DUSP10: variants seen among roughly 807,000 people sequenced by gnomAD.
DUSP10 encodes the protein dual specificity phosphatase 10.
DUSP10 carries 14 observed loss-of-function variants against 30.8 expected under a neutral mutation model. The observed-to-expected ratio is 0.46, with a 90% CI of 0.30 to 0.71. The LOEUF is 0.71. DUSP10 is among the 30% of genes least tolerant of loss of function. The probability of loss-of-function intolerance (pLI) is 0.08; values close to 1 mark genes in which losing one functional copy is unlikely to be tolerated. For missense variants in DUSP10, 550 were observed against 619.4 expected (o/e 0.89, Z 1.19); for synonymous variants, 254 against 250.4 (o/e 1.01, Z -0.14).
At chr1:221,737,274 G>A (rs2102655028) in intron 2 of DUSP10, 1 of 985,314 alleles carries the variant, frequency 1.0e-6, no homozygotes, top group South Asian at 4.7e-5. Flanking sequence ...CACCTGCTCT[G>A]CGTGAGAAAA....
chr1:221,703,726 T>G (rs1393947799), intron 3 of DUSP10, among the ~76,000 whole-genome samples: 1 of 152,168 alleles, frequency 6.6e-6, no homozygotes, highest in Non-Finnish European at 1.5e-5. Context: ...TTAATGACAT[T>G]TCTAGACTCT....
rs947304126 is a variant in DUSP10 at position 221,716,548 on chromosome 1, G to A, written c.812-10082C>T. Among the ~76,000 whole-genome samples the A allele has an allele frequency of 2.0e-5, 3 of 151,652 alleles. No homozygotes were observed. In the South Asian group the frequency reaches 6.2e-4, roughly 32 times the overall value. On this transcript the variant is annotated intron_variant, in intron 2 of 3. Transcript: ENST00000366899. The stretch of plus-strand genomic sequence containing the variant: ...TCATTTTTTTTTCCACCAGAATTTT[G>A]TCTACTTCTATTGAACTCCATTCTC...
chr1:221,709,630 G>A (rs1256332607), intron 2 of DUSP10, among the ~76,000 whole-genome samples: 1 of 152,084 alleles, frequency 6.6e-6, no homozygotes, highest in East Asian at 1.9e-4. Context: ...GCTCTGTACT[G>A]CAGTTAAAAA....
intron 2 of DUSP10, among the ~76,000 whole-genome samples, chr1:221,717,061 A>G (rs1275363522): frequency 1.3e-5 from 2 of 152,220 alleles, no homozygotes; most frequent in East Asian, 3.8e-4. Context: ...GAAGGCAGTC[A>G]CAAATTAAGA....
intron 2 of DUSP10, among the ~76,000 whole-genome samples, chr1:221,716,546 T>C (rs1450790031): frequency 6.6e-6 from 1 of 151,862 alleles, no homozygotes; most frequent in Admixed American, 6.6e-5. Flanking sequence ...CACCAGAATT[T>C]TGTCTACTTC....
At chr1:221,740,015 T>G (rs888597244) in intron 1 of DUSP10, among the ~76,000 whole-genome samples, 1 of 152,218 alleles carries the variant, frequency 6.6e-6, no homozygotes, top group African/African-American at 2.4e-5. Context: ...AATTTGGATG[T>G]AATGTTGTAA....
intron 2 of DUSP10, among the ~76,000 whole-genome samples, chr1:221,726,577 T>C (rs1251512490): frequency 6.6e-6 from 1 of 152,132 alleles, no homozygotes; most frequent in Admixed American, 6.5e-5. Flanking sequence ...TAATATTATG[T>C]TTTTCTTTCT....
At chr1:221,712,802 A>G (rs1660980502) in intron 2 of DUSP10, among the ~76,000 whole-genome samples, 1 of 149,136 alleles carries the variant, frequency 6.7e-6, no homozygotes. Flanking sequence ...AAAAAAAAAG[A>G]GCTTTGCCTT....
chr1:221,739,883 A>G, intron 1 of DUSP10, 96 bp from the exon 2 acceptor site: 1 of 1,303,550 alleles, frequency 7.7e-7, no homozygotes, highest in Non-Finnish European at 1.0e-6. Flanking sequence ...CATCCCTCTG[A>G]GCAAAGTCGT....
At chr1:221,707,531 T>G (rs1271259563) in intron 2 of DUSP10, among the ~76,000 whole-genome samples, 4 of 152,188 alleles carry the variant, frequency 2.6e-5, no homozygotes, top group Non-Finnish European at 5.9e-5. Flanking sequence ...ACTGTGCTTA[T>G]TTCTCCATTT....
At chr1:221,731,613 T>C (rs1661595527) in intron 2 of DUSP10, among the ~76,000 whole-genome samples, 1 of 94,570 alleles carries the variant, frequency 1.1e-5, no homozygotes, top group Admixed American at 8.7e-5. Context: ...TTTTTTTTTT[T>C]TTTTTTTTCT....
intron 2 of DUSP10, among the ~76,000 whole-genome samples, chr1:221,735,334 T>C (rs1460344085): frequency 1.3e-5 from 2 of 152,184 alleles, no homozygotes; most frequent in African/African-American, 4.8e-5. Flanking sequence ...GGAGCCCTCC[T>C]ACTCCCAGGG....
chr1:221,739,748 G>A lies in DUSP10; in HGVS notation c.-4C>T. 1.9e-6 allele frequency: 3 copies of A among 1,568,774 alleles called. No homozygotes were observed. The South Asian group carries it at 3.5e-5, about 18-fold the overall frequency. On this transcript the variant is annotated 5_prime_UTR_variant, in exon 2 of 4. Coordinates refer to ENST00000366899, the MANE Select transcript of DUSP10 (RefSeq NM_007207.6). ...CGTCTAAAGGAGACGGAGGCATGAG[G>A]AGGCTGAAAACTGGCAATTCAAGAA... is the stretch of plus-strand genomic sequence containing the variant.
rs981546005 is a variant in DUSP10, at chr1:221,710,255, A to C, written c.812-3789T>G. On this transcript the variant is annotated intron_variant, in intron 2 of 3. Transcript: ENST00000366899. Reference sequence around the variant, plus strand: ...ACACGCATAGTCCATGAGAGCCCTAAGTGCAGTGCAGTGATTCAGAGAAGG... The same window carrying C: ...ACACGCATAGTCCATGAGAGCCCTACGTGCAGTGCAGTGATTCAGAGAAGG... 2.6e-5 allele frequency among the ~76,000 whole-genome samples: 4 copies of C among 151,886 alleles called. 1 individual carries two copies. The highest frequency in any genetic ancestry group is 9.7e-5 in the African/African-American group (4 of 41,260).
At chr1:221,740,739 G>A (rs1661929197) in intron 1 of DUSP10, among the ~76,000 whole-genome samples, 1 of 152,158 alleles carries the variant, frequency 6.6e-6, no homozygotes, top group African/African-American at 2.4e-5. Flanking sequence ...CCCTTCAAGA[G>A]TACTGATTCC....
intron 2 of DUSP10, among the ~76,000 whole-genome samples, chr1:221,708,967 A>T (rs151229538): frequency 6.6e-6 from 1 of 151,376 alleles, no homozygotes; most frequent in African/African-American, 2.4e-5. Flanking sequence ...TATTTAGGGT[A>T]CTCAAGCTGT....
At chr1:221,707,470 G>A (rs1484026093) in intron 2 of DUSP10, among the ~76,000 whole-genome samples, 5 of 152,156 alleles carry the variant, frequency 3.3e-5, no homozygotes, top group East Asian at 1.9e-4. Context: ...TTGAGCTTAC[G>A]GCTCTGCTCT....
chr1:221,741,052 C>G (rs1039613140), intron 1 of DUSP10, among the ~76,000 whole-genome samples: 18 of 152,174 alleles, frequency 1.2e-4, no homozygotes, highest in Non-Finnish European at 1.0e-4. Context: ...CTACACACGA[C>G]CGTCACCATT....
In DUSP10 at chr1:221,739,542, G is replaced by T. The variant is rs1661887653; in HGVS notation, c.203C>A (p.Ala68Asp). Residue 68 changes from alanine to aspartate, a missense_variant, in exon 2 of 4, where the codon GCC becomes GAC. By Grantham distance (126) the Ala-to-Asp change is moderately radical. Coordinates refer to ENST00000366899, the MANE Select transcript of DUSP10 (RefSeq NM_007207.6). ...GCTGCATCCACAATTCAGCGAGCGG[G>T]CAGAGCCGCTGGATGAGGGCATATA... The part of the protein sequence containing the change: ...LTYMPSSSGS[A>D]RSLNCGCSSA... 1 of 1,614,090 alleles carries T rather than the reference G, an allele frequency of 6.2e-7. No homozygotes were observed. The highest frequency in any genetic ancestry group is 8.5e-7 in the Non-Finnish European group (1 of 1,180,060).
Sources: allele counts gnomAD v4.1 joint callset (sites outside exome capture counted in the v4.1 genomes callset), GRCh38; gene constraint gnomAD v4.1.1; transcripts MANE v1.5; gene names NCBI Gene and HGNC (gene_info 2026-07-23, HGNC 2026-07-21).